The following RNF220 variants were observed in gnomAD, a reference collection of about 807,000 sequenced individuals.
RNF220 encodes the protein E3 ubiquitin-protein ligase RNF220.
A neutral mutation model predicts 67.1 loss-of-function variants in RNF220; 7 were observed. The observed-to-expected ratio is 0.10, with a 90% CI of 0.06 to 0.20. The LOEUF is 0.20. Ranked by LOEUF, RNF220 falls within the 10% of genes least tolerant of loss-of-function variation. The probability of loss-of-function intolerance (pLI) is 1.00; values close to 1 mark genes in which losing one functional copy is unlikely to be tolerated. For synonymous variants in RNF220, 270 were observed against 283.2 expected, an observed-to-expected ratio of 0.95 and a Z score of 0.47; for missense variants, 565 against 740.3, an observed-to-expected ratio of 0.76 and a Z score of 2.75.
intron 2 of RNF220, among the ~76,000 whole-genome samples, chr1:44,454,541 T>C (rs1252017724): frequency 1.3e-5 from 2 of 152,172 alleles, no homozygotes; most frequent in African/African-American, 4.8e-5. Context: ...GGTTTAACTA[T>C]TTTATTGCTG....
chr1:44,519,331 A>G (rs1572749735), intron 2 of RNF220, among the ~76,000 whole-genome samples: 5 of 152,344 alleles, frequency 3.3e-5, no homozygotes, highest in Admixed American at 1.3e-4. Context: ...AATAAATCAG[A>G]CAAAGTCAAG....
intron 2 of RNF220, among the ~76,000 whole-genome samples, chr1:44,481,358 C>T (rs1655790849): frequency 6.6e-6 from 1 of 152,012 alleles, no homozygotes. Context: ...CTCAGGAATT[C>T]GAGGCTGCAG....
intron 2 of RNF220, among the ~76,000 whole-genome samples, chr1:44,572,836 G>T (rs988008360): frequency 6.6e-6 from 1 of 151,986 alleles, no homozygotes; most frequent in Non-Finnish European, 1.5e-5. Flanking sequence ...GAAATGTTTG[G>T]CCCTATAATT....
intron 2 of RNF220, among the ~76,000 whole-genome samples, chr1:44,584,838 G>A (rs765478182): frequency 6.6e-6 from 1 of 152,260 alleles, no homozygotes; most frequent in East Asian, 1.9e-4. Flanking sequence ...AGCTGGGATT[G>A]CAGGTGCCTG....
At chr1:44,409,818 A>G (rs1237181092) in intron 1 of RNF220, among the ~76,000 whole-genome samples, 2 of 152,146 alleles carry the variant, frequency 1.3e-5, no homozygotes, top group African/African-American at 4.8e-5. Context: ...GATTTTCATA[A>G]TGACTGTGGT....
At chr1:44,580,163 C>T (rs1665165134) in intron 2 of RNF220, among the ~76,000 whole-genome samples, 1 of 150,412 alleles carries the variant, frequency 6.6e-6, no homozygotes, top group African/African-American at 2.4e-5. Flanking sequence ...GATAAAGAAA[C>T]TGAATCTCAA....
At chr1:44,644,523 G>C (rs1644579340) in intron 8 of RNF220, 175 bp from the exon 9 acceptor site, 2 of 587,940 alleles carry the variant, frequency 3.4e-6, no homozygotes, top group African/African-American at 1.9e-5. Context: ...GCAGAGTGAA[G>C]GGCCTGAAAT....
In RNF220 at chr1:44,497,309, C is replaced by A. The variant is rs530960208; in HGVS notation, c.625+84587C>A. Among the ~76,000 whole-genome samples the A allele has an allele frequency of 1.0e-3, 150 of 149,282 alleles. 1 individual carries two copies. The highest frequency in any genetic ancestry group is 2.0e-3 in the Non-Finnish European group (132 of 67,528). On this transcript the variant is annotated intron_variant, in intron 2 of 14. Coordinates refer to ENST00000361799, the MANE Select transcript of RNF220 (RefSeq NM_018150.4). The stretch of plus-strand genomic sequence containing the variant: ...ATAAGGGTCTTCATGGTTCTTGGCA[C>A]GTATCTATATGATAATCTCCCCTTC...
At position 44,574,221 on chromosome 1, in the gene RNF220, G is replaced by T. The variant is rs150035690; in HGVS notation, c.626-39944G>T. ...TGTAATACTCACATTTCCCCAGCTG[G>T]GCCATGCTCTTCCTCCTATAGCCCT... On this transcript the variant is annotated intron_variant, in intron 2 of 14. Transcript: ENST00000361799. Among the ~76,000 whole-genome samples, 1,175 of 152,182 alleles carry T rather than the reference G, an allele frequency of 7.7e-3. 14 individuals carry two copies. The highest frequency in any genetic ancestry group is 0.028 in the African/African-American group (1,142 of 41,510).
chr1:44,607,206 T>C (rs1353246784), intron 2 of RNF220, among the ~76,000 whole-genome samples: 1 of 152,260 alleles, frequency 6.6e-6, no homozygotes, highest in Non-Finnish European at 1.5e-5. Flanking sequence ...CACTTGCTCT[T>C]GCCCCTTAGA....
chr1:44,427,037 A>G (rs1040826985), intron 2 of RNF220, among the ~76,000 whole-genome samples: 1 of 152,230 alleles, frequency 6.6e-6, no homozygotes, highest in Non-Finnish European at 1.5e-5. Flanking sequence ...CACTTCAAGC[A>G]CTTTCTATAT....
At position 44,423,938 on chromosome 1, in the gene RNF220, A is replaced by G. The variant is rs372080035; in HGVS notation, c.625+11216A>G. 71 of 985,408 alleles carry G rather than the reference A, an allele frequency of 7.2e-5. 1 individual carries two copies. The African/African-American group carries it at 1.2e-3, about 16-fold the overall frequency. 61.0% of individuals were successfully genotyped at this position (985,408 alleles called of 1,614,324 possible). ...CCTGGCACACGTCGGCATGCTAAAA[A>G]CAGTTCCTTCCAGGCGGGGCCTCTG... is the stretch of plus-strand genomic sequence containing the variant. On this transcript the variant is annotated intron_variant, in intron 2 of 14. Transcript: ENST00000361799.
intron 2 of RNF220, among the ~76,000 whole-genome samples, chr1:44,458,430 C>T (rs1191598444): frequency 3.3e-5 from 5 of 151,146 alleles, no homozygotes; most frequent in South Asian, 4.2e-4. Flanking sequence ...CATTTCCTAA[C>T]TTGGGTAAGT....
At chr1:44,555,790 A>C (rs763706086) in intron 2 of RNF220, among the ~76,000 whole-genome samples, 4 of 150,288 alleles carry the variant, frequency 2.7e-5, no homozygotes, top group Admixed American at 6.6e-5. Context: ...GTACCAATTT[A>C]TTTTTACCTC....
chr1:44,416,657 C>T (rs1290143004), intron 2 of RNF220, among the ~76,000 whole-genome samples: 18 of 152,238 alleles, frequency 1.2e-4, no homozygotes, highest in Non-Finnish European at 4.4e-5. Flanking sequence ...CGTGGAGCGG[C>T]GACTGGCCCT....
intron 2 of RNF220, among the ~76,000 whole-genome samples, chr1:44,507,650 C>T (rs1239290738): frequency 2.6e-5 from 4 of 151,992 alleles, no homozygotes; most frequent in Non-Finnish European, 5.9e-5. Context: ...GGGTTGATAC[C>T]ACACTTACTT....
At position 44,618,052 on chromosome 1, in the gene RNF220, A is replaced by G. The variant is rs1376666356; in HGVS notation, c.758+3755A>G. ...TGGATGCTGCCGCCAGGTGCCCTCC[A>G]TCAACCTGGACACGTCCCCCCTCCA... On this transcript the variant is annotated intron_variant, in intron 3 of 14. Transcript: ENST00000361799. 2.0e-5 allele frequency among the ~76,000 whole-genome samples: 3 copies of G among 152,212 alleles called. No homozygotes were observed. The East Asian group carries it at 5.8e-4, about 29-fold the overall frequency.
intron 2 of RNF220, among the ~76,000 whole-genome samples, chr1:44,519,816 T>G (rs1659762312): frequency 6.6e-6 from 1 of 152,172 alleles, no homozygotes; most frequent in Non-Finnish European, 1.5e-5. Flanking sequence ...AAAGTAGGGT[T>G]GAAATTATAA....
At chr1:44,457,660 A>C (rs1052265473) in intron 2 of RNF220, among the ~76,000 whole-genome samples, 2 of 152,158 alleles carry the variant, frequency 1.3e-5, no homozygotes, top group African/African-American at 4.8e-5. Context: ...TTAGGAAGAT[A>C]GCTGATTCTT....
Sources: allele counts gnomAD v4.1 joint callset (sites outside exome capture counted in the v4.1 genomes callset), GRCh38; gene constraint gnomAD v4.1.1; transcripts MANE v1.5; gene names NCBI Gene and HGNC (gene_info 2026-07-23, HGNC 2026-07-21).